Variants in SLC12A6 observed in about 807,000 individuals in gnomAD.
The protein encoded by SLC12A6 is K-Cl cotransporter 3.
A neutral mutation model predicts 135.3 loss-of-function variants in SLC12A6; 66 were observed. That is an observed-to-expected ratio of 0.49 (90% confidence interval 0.40 to 0.60). SLC12A6 has a LOEUF of 0.60. Ranked by LOEUF, SLC12A6 falls within the 20% of genes least tolerant of loss-of-function variation. SLC12A6 has a pLI of 0.00. For synonymous variants in SLC12A6, 513 were observed against 508.8 expected (o/e 1.01, Z -0.11); for missense variants, 1,058 against 1,452.3 (o/e 0.73, Z 4.41).
At chr15:34,260,904 A>G in intron 4 of SLC12A6, 22 bp downstream of exon 4, 1 of 990,228 alleles carries the variant, frequency 1.0e-6, no homozygotes, top group Non-Finnish European at 1.6e-6. Flanking sequence ...GTCTCAGTCC[A>G]TAGTTTTCTC....
At chr15:34,239,916 A>G (rs2140658293) in intron 19 of SLC12A6, among the ~76,000 whole-genome samples, 1 of 152,242 alleles carries the variant, frequency 6.6e-6, no homozygotes, top group East Asian at 1.9e-4. Flanking sequence ...TCTAGTGTTT[A>G]GGATTTCAAA....
intron 15 of SLC12A6, among the ~76,000 whole-genome samples, chr15:34,244,550 A>G (rs1389187977): frequency 1.3e-5 from 2 of 152,186 alleles, no homozygotes; most frequent in Non-Finnish European, 2.9e-5. Flanking sequence ...CTTCCAGGTA[A>G]AAGTTCCAGG....
At chr15:34,248,689 C>T (rs752802476) in intron 13 of SLC12A6, among the ~76,000 whole-genome samples, 6 of 151,860 alleles carry the variant, frequency 4.0e-5, no homozygotes, top group African/African-American at 1.5e-4. Context: ...AAGAGCTCAA[C>T]GTGTAGGGGA....
intron 16 of SLC12A6, among the ~76,000 whole-genome samples, chr15:34,243,264 A>C (rs1236489497): frequency 6.6e-6 from 1 of 152,240 alleles, no homozygotes; most frequent in Non-Finnish European, 1.5e-5. Context: ...TGAAGATTTT[A>C]ATTTTTGCCC....
At position 34,235,431 on chromosome 15, in the gene SLC12A6, A is replaced by ATTTT. The variant is rs371322623; in HGVS notation, c.3228-121_3228-118dup. 3.4e-3 allele frequency: 1,719 copies of ATTTT among 501,112 alleles called. 2 individuals are homozygous for ATTTT. The highest frequency in any genetic ancestry group is 0.011 in the East Asian group (264 of 23,030). 31.0% of individuals were successfully genotyped at this position (501,112 alleles called of 1,614,324 possible). ...TGACTATGGATAATCTGATAAAATG[A>ATTTT]TTTTTTTTTTTTTTTTTTTTGAGAG... On this transcript the variant is annotated intron_variant, in intron 24 of 25. Transcript: ENST00000354181.
At chr15:34,300,959 T>C (rs1418438844) in intron 2 of SLC12A6, among the ~76,000 whole-genome samples, 2 of 152,170 alleles carry the variant, frequency 1.3e-5, no homozygotes, top group African/African-American at 4.8e-5. Context: ...GTAACATTTA[T>C]AAAATGTTCA....
At chr15:34,278,704 G>A (rs552139728) in intron 2 of SLC12A6, among the ~76,000 whole-genome samples, 1 of 151,950 alleles carries the variant, frequency 6.6e-6, no homozygotes, top group African/African-American at 2.4e-5. Flanking sequence ...CAGAGCAGCT[G>A]GGATTATAGG....
rs187723245 is a variant in SLC12A6 at position 34,334,360 on chromosome 15, A to C, written c.271+2050T>G. Among the ~76,000 whole-genome samples the C allele has an allele frequency of 9.2e-5, 14 of 152,330 alleles. No individual in the cohort carries two copies. The East Asian group carries it at 2.7e-3, about 29-fold the overall frequency. On this transcript the variant is annotated intron_variant, in intron 2 of 25. Transcript: ENST00000354181. ...AAGGATGCAGTTGTTATCTATATTA[A>C]AGCCAGCCTAGAGGGAAGTGTATAT...
intron 2 of SLC12A6, among the ~76,000 whole-genome samples, chr15:34,300,949 G>C (rs1361838190): frequency 6.6e-6 from 1 of 152,080 alleles, no homozygotes; most frequent in African/African-American, 2.4e-5. Flanking sequence ...AGAGCTTCAT[G>C]TAACATTTAT....
intron 2 of SLC12A6, among the ~76,000 whole-genome samples, chr15:34,328,006 A>G (rs1180670488): frequency 6.6e-6 from 1 of 152,206 alleles, no homozygotes; most frequent in East Asian, 1.9e-4. Context: ...AATGAGGATT[A>G]GCAATGCCGT....
At chr15:34,289,836 C>T (rs1895388681) in intron 2 of SLC12A6, among the ~76,000 whole-genome samples, 1 of 152,134 alleles carries the variant, frequency 6.6e-6, no homozygotes, top group Admixed American at 6.6e-5. Flanking sequence ...TCCCCTTTAT[C>T]ATTTTTTATT....
chr15:34,306,577 A>G (rs1361431580), intron 2 of SLC12A6, among the ~76,000 whole-genome samples: 1 of 152,224 alleles, frequency 6.6e-6, no homozygotes, highest in Admixed American at 6.5e-5. Flanking sequence ...TCCAGGAGCC[A>G]CTTCACTCAA....
At chr15:34,249,179 C>T (rs1001051079) in intron 13 of SLC12A6, among the ~76,000 whole-genome samples, 1 of 151,974 alleles carries the variant, frequency 6.6e-6, no homozygotes, top group African/African-American at 2.4e-5. Flanking sequence ...ATAACATAGG[C>T]AAAAATCCTG....
At chr15:34,286,262 G>C (rs1287149809) in intron 2 of SLC12A6, among the ~76,000 whole-genome samples, 1 of 151,474 alleles carries the variant, frequency 6.6e-6, no homozygotes, top group Non-Finnish European at 1.5e-5. Flanking sequence ...TTTTAGTAGA[G>C]ATGGGGTTTC....
At chr15:34,252,536 T>C (rs1325243601) in intron 9 of SLC12A6, 152 bp from the exon 10 acceptor site, 12 of 621,040 alleles carry the variant, frequency 1.9e-5, no homozygotes, top group Non-Finnish European at 3.1e-5. Flanking sequence ...TTATTTATAA[T>C]TTATTTTAAC....
Position 34,252,344 on chromosome 15 carries a change from T to C in SLC12A6, c.1159A>G (p.Ile387Val), listed in dbSNP as rs781345440. The part of the protein sequence containing the change: ...LGNRTLSSRH[I>V]DVCSKTKEIN... ...TCCTTGGTCTTAGAGCAAACGTCAA[T>C]GTGTCTTGATGAAAGGGTGCGGTTA... Residue 387 changes from isoleucine to valine, a missense_variant, in exon 10 of 26, where the codon ATT (isoleucine) becomes GTT (valine). Physicochemically the swap from Ile to Val is conservative, Grantham distance 29. This residue lies in a region of SLC12A6 where 297 missense variants were observed against 318.5 expected (regional missense o/e 0.93). Transcript: ENST00000354181. 3 of 1,613,014 alleles carry C rather than the reference T, an allele frequency of 1.9e-6. No homozygotes were observed. The highest frequency in any genetic ancestry group is 2.2e-5 in the South Asian group (2 of 91,052).
Position 34,231,864 on chromosome 15 carries a change from A to T in SLC12A6, c.*2017T>A, listed in dbSNP as rs1348991725. On this transcript the variant is annotated 3_prime_UTR_variant, in exon 26 of 26. Transcript: ENST00000354181. ...CTCGGCCTCCCAAAGTGCTGGGATT[A>T]CAGGCGTGAGTCACTGCACCCGGCC... 2.0e-5 allele frequency: 3 copies of T among 152,228 alleles called. No individual in the cohort carries two copies. In the East Asian group the frequency reaches 5.8e-4, roughly 29 times the overall value. The allele number at this position is 152,228 out of a possible 1,614,324, so 9.4% of individuals were successfully genotyped here. A position where few individuals can be genotyped will look rare whatever the true frequency, so the allele number is the denominator to read the frequency against.
chr15:34,237,617 A>G (rs1374546709), intron 21 of SLC12A6, 67 bp from the exon 22 acceptor site: 1 of 1,336,778 alleles, frequency 7.5e-7, no homozygotes, highest in East Asian at 2.4e-5. Flanking sequence ...TTCCTAAGAC[A>G]TTAGACATTG....
At chr15:34,278,139 T>G (rs998768610) in intron 2 of SLC12A6, among the ~76,000 whole-genome samples, 1 of 152,196 alleles carries the variant, frequency 6.6e-6, no homozygotes. Flanking sequence ...TAAAAAGAAT[T>G]AGCTCGGCTG....
Sources: gnomAD v4.1 joint callset for allele counts (sites outside exome capture counted in the v4.1 genomes callset) on GRCh38, gnomAD v4.1.1 for gene constraint, gnomAD v4.1.1 regional missense constraint, MANE v1.5 for transcripts, NCBI Gene and HGNC (gene_info 2026-07-23, HGNC 2026-07-21) for gene names.